NFX1: variants seen among roughly 807,000 people sequenced by gnomAD.
NFX1 encodes nuclear transcription factor, X-box binding 1, also known as transcriptional repressor NF-X1.
NFX1 carries 69 observed loss-of-function variants against 137.2 expected under a neutral mutation model. The observed-to-expected ratio is 0.50, with a 90% CI of 0.41 to 0.61. The LOEUF is 0.61. Among genes scored for constraint, NFX1 ranks in the 20% least tolerant of loss-of-function variants. NFX1 has a pLI of 0.00. For synonymous variants in NFX1, 495 were observed against 474.1 expected (o/e 1.04, Z -0.57); for missense variants, 1,167 against 1,391.0 (o/e 0.84, Z 2.56).
chr9:33,305,465 A>C (rs1211171714), intron 4 of NFX1, among the ~76,000 whole-genome samples: 1 of 152,174 alleles, frequency 6.6e-6, no homozygotes, highest in African/African-American at 2.4e-5. Flanking sequence ...ACTGGAAAGG[A>C]AGGGCTGACC....
intron 10 of NFX1, among the ~76,000 whole-genome samples, chr9:33,328,881 CAGT>C (rs1822696495): frequency 6.6e-6 from 1 of 152,154 alleles, no homozygotes; most frequent in African/African-American, 2.4e-5. Flanking sequence ...AAAAGGGGAA[CAGT>C]AGCACTGTTG....
At position 33,347,107 on chromosome 9, in the gene NFX1, G is replaced by A; in HGVS notation, c.2414G>A (p.Gly805Asp). 6.2e-7 allele frequency: 1 copy of A among 1,612,348 alleles called. No homozygotes were observed. The highest frequency in any genetic ancestry group is 8.5e-7 in the Non-Finnish European group (1 of 1,178,546). ...TTCCTAACTCAGAAGTGGTGCATGG[G>A]CAAGCATGAGGTAAGTTTTCTCTCT... is the stretch of plus-strand genomic sequence containing the variant. ...CTFLTQKWCM[G>D]KHEFRSNIPC... Residue 805 changes from glycine (G) to aspartate (D), a missense_variant, in exon 15 of 24, where the codon GGC (glycine) becomes GAC (aspartate). Gly to Asp is a moderately conservative substitution (Grantham distance 94). Transcript: ENST00000379540.
In NFX1 at chr9:33,290,617, G is replaced by A. The variant is rs1292167090; in HGVS notation, c.25+20G>A. On this transcript the variant is annotated intron_variant, in intron 1 of 23. Transcript: ENST00000379540. ...TCTCAGGTATTGTCCCGGCCCGAGC[G>A]GGACTGGGCCCCTTTCAGGGAGCGG... The A allele has an allele frequency of 6.2e-7, 1 of 1,605,698 alleles. No homozygotes were observed. Among genetic ancestry groups the A allele is most frequent in the East Asian group, 2.2e-5 (1 of 44,722 alleles).
chr9:33,341,035 C>G (rs976852609), intron 12 of NFX1, among the ~76,000 whole-genome samples: 1 of 152,202 alleles, frequency 6.6e-6, no homozygotes, highest in Non-Finnish European at 1.5e-5. Context: ...TTACCCAGTT[C>G]CAAAGTCACT....
intron 12 of NFX1, among the ~76,000 whole-genome samples, chr9:33,339,857 C>T (rs1356248757): frequency 6.6e-6 from 1 of 152,216 alleles, no homozygotes; most frequent in Non-Finnish European, 1.5e-5. Flanking sequence ...AAAATGCTCT[C>T]CTTTGACTCC....
intron 14 of NFX1, among the ~76,000 whole-genome samples, chr9:33,346,736 G>T (rs1021871299): frequency 6.6e-6 from 1 of 152,184 alleles, no homozygotes; most frequent in South Asian, 2.1e-4. Flanking sequence ...AAAGAATGAC[G>T]TAGTAGAATT....
chr9:33,353,288 G>A (rs571060259), intron 17 of NFX1, among the ~76,000 whole-genome samples: 1 of 152,184 alleles, frequency 6.6e-6, no homozygotes, highest in Non-Finnish European at 1.5e-5. Flanking sequence ...CACAGCCAGG[G>A]CTAAGCTCTG....
intron 4 of NFX1, among the ~76,000 whole-genome samples, chr9:33,306,408 A>C (rs534737468): frequency 5.3e-5 from 8 of 152,336 alleles, no homozygotes; most frequent in Non-Finnish European, 8.8e-5. Flanking sequence ...ATTTGGACAT[A>C]TGGGTCTGAA....
At chr9:33,338,758 G>A (rs1420564135) in intron 12 of NFX1, among the ~76,000 whole-genome samples, 169 bp downstream of exon 12, 3 of 152,202 alleles carry the variant, frequency 2.0e-5, no homozygotes, top group African/African-American at 7.2e-5. Context: ...CAAAGAGACA[G>A]ACTGGGCCTT....
chr9:33,342,716 T>G, intron 12 of NFX1, 30 bp from the exon 13 acceptor site: 1 of 1,477,638 alleles, frequency 6.8e-7, no homozygotes, highest in Non-Finnish European at 9.2e-7. Flanking sequence ...GAAGACCATT[T>G]TATGAACAAA....
intron 12 of NFX1, among the ~76,000 whole-genome samples, chr9:33,341,104 A>G (rs1420061954): frequency 6.6e-6 from 1 of 152,152 alleles, no homozygotes; most frequent in Non-Finnish European, 1.5e-5. Context: ...AGTTTACTGT[A>G]TTAGTCTGTT....
intron 10 of NFX1, among the ~76,000 whole-genome samples, chr9:33,330,073 C>T (rs1822746315): frequency 6.6e-6 from 1 of 152,196 alleles, no homozygotes; most frequent in Non-Finnish European, 1.5e-5. Flanking sequence ...GGATTACAGA[C>T]GTGAGCCACT....
At chr9:33,322,478 C>A (rs1822422844) in intron 9 of NFX1, among the ~76,000 whole-genome samples, 2 of 152,120 alleles carry the variant, frequency 1.3e-5, no homozygotes, top group South Asian at 4.1e-4. Flanking sequence ...TTCTCTACCC[C>A]TCCAACTCCA....
At chr9:33,318,076 A>T (rs1822240603) in intron 7 of NFX1, among the ~76,000 whole-genome samples, 1 of 146,738 alleles carries the variant, frequency 6.8e-6, no homozygotes, top group African/African-American at 2.5e-5. Context: ...TTAATACCTT[A>T]TTAGAAGGTT....
chr9:33,298,843 C>T (rs1362241995), intron 2 of NFX1, among the ~76,000 whole-genome samples: 1 of 151,912 alleles, frequency 6.6e-6, no homozygotes, highest in African/African-American at 2.4e-5. Flanking sequence ...GGCAACAGGA[C>T]AAGTTAGGAG....
At chr9:33,362,455 T>C (rs568360685) in intron 19 of NFX1, among the ~76,000 whole-genome samples, 1 of 152,168 alleles carries the variant, frequency 6.6e-6, no homozygotes, top group Admixed American at 6.5e-5. Context: ...AACCCTGTCA[T>C]TTGCAACAAC....
At chr9:33,329,369 G>A (rs893232754) in intron 10 of NFX1, among the ~76,000 whole-genome samples, 1 of 152,130 alleles carries the variant, frequency 6.6e-6, no homozygotes, top group African/African-American at 2.4e-5. Context: ...CTCTCCCGAG[G>A]TGTACCGATA....
intron 2 of NFX1, among the ~76,000 whole-genome samples, chr9:33,296,140 T>A (rs1821346518): frequency 6.6e-6 from 1 of 152,188 alleles, no homozygotes; most frequent in African/African-American, 2.4e-5. Context: ...TTGGCCAGGC[T>A]AGTCTCAAAC....
At chr9:33,305,368 A>T (rs1821714500) in intron 4 of NFX1, among the ~76,000 whole-genome samples, 1 of 152,244 alleles carries the variant, frequency 6.6e-6, no homozygotes, top group Admixed American at 6.5e-5. Context: ...GCAGTTCAAA[A>T]TCAACAGGGT....
Sources: allele counts gnomAD v4.1 joint callset (sites outside exome capture counted in the v4.1 genomes callset), GRCh38; gene constraint gnomAD v4.1.1; transcripts MANE v1.5; gene names NCBI Gene and HGNC (gene_info 2026-07-23, HGNC 2026-07-21).